Variants in GSE1 observed in about 807,000 individuals in gnomAD.
GSE1 encodes the protein Gse1 coiled-coil protein.
GSE1 carries 32 observed loss-of-function variants against 112.6 expected under a neutral mutation model. The observed-to-expected ratio is 0.28, with a 90% CI of 0.21 to 0.38. GSE1 has a LOEUF of 0.38. Among genes scored for constraint, GSE1 ranks in the 10% least tolerant of loss-of-function variants. The pLI is 1.00. For missense variants in GSE1, 2,348 were observed against 1,699.2 expected, an observed-to-expected ratio of 1.38 and a Z score of -6.71; for synonymous variants, 1,115 against 735.6, an observed-to-expected ratio of 1.52 and a Z score of -8.35.
At chr16:85,360,494 G>T (rs2047043677) in intron 2 of GSE1, among the ~76,000 whole-genome samples, 1 of 152,176 alleles carries the variant, frequency 6.6e-6, no homozygotes, top group African/African-American at 2.4e-5. Flanking sequence ...CCGCAGTCAG[G>T]CCCCGCCTGG....
chr16:85,185,275 C>T (rs1166167252), intron 1 of GSE1: 1 of 152,332 alleles, frequency 6.6e-6, no homozygotes, highest in Non-Finnish European at 1.5e-5. Context: ...CAGGTGTCAG[C>T]TCCAGGGGCA....
chr16:85,258,117 G>C (rs1214574654), intron 1 of GSE1, among the ~76,000 whole-genome samples: 1 of 152,220 alleles, frequency 6.6e-6, no homozygotes, highest in East Asian at 1.9e-4. Context: ...CTCAATTGAG[G>C]GGCAGGGTAG....
intron 2 of GSE1, among the ~76,000 whole-genome samples, chr16:85,522,849 G>C (rs2052233855): frequency 6.6e-6 from 1 of 152,080 alleles, no homozygotes; most frequent in Non-Finnish European, 1.5e-5. Context: ...TGTTGTGTAT[G>C]GGTGTGTGTT....
At chr16:85,233,409 TGGTTC>T (rs959113327) in intron 1 of GSE1, among the ~76,000 whole-genome samples, 5 of 151,826 alleles carry the variant, frequency 3.3e-5, no homozygotes, top group African/African-American at 1.2e-4. Flanking sequence ...CTGGGCGGGG[TGGTTC>T]GGCCTTTGGG....
intron 2 of GSE1, among the ~76,000 whole-genome samples, chr16:85,534,847 G>T (rs2044270428): frequency 6.6e-6 from 1 of 152,228 alleles, no homozygotes; most frequent in African/African-American, 2.4e-5. Flanking sequence ...TCCTTCTGCT[G>T]CGTGGTGTTC....
At position 85,639,896 on chromosome 16, in the gene GSE1, G is replaced by A. The variant is rs139262260; in HGVS notation, c.226+5764G>A. Among the ~76,000 whole-genome samples the A allele has an allele frequency of 7.1e-3, 1,074 of 151,702 alleles. 12 individuals are homozygous for A. The highest frequency in any genetic ancestry group is 0.025 in the African/African-American group (1,024 of 41,356). The stretch of plus-strand genomic sequence containing the variant: ...CCAAGGCGGCCGGGGGCGGAGGTAC[G>A]GGGAGCCTTGCGTGTCCTCAGCTGC... On this transcript the variant is annotated intron_variant, in intron 2 of 15. Transcript: ENST00000253458.
upstream of GSE1, among the ~76,000 whole-genome samples, chr16:85,552,591 C>T (rs780274091): frequency 6.6e-6 from 1 of 152,070 alleles, no homozygotes; most frequent in Non-Finnish European, 1.5e-5. Flanking sequence ...CTCGGCCTCC[C>T]AAAGTGCTGG....
intron 1 of GSE1, among the ~76,000 whole-genome samples, chr16:85,590,281 CAT>C (rs977727981): frequency 2.2e-5 from 3 of 134,790 alleles, no homozygotes; most frequent in African/African-American, 8.5e-5. Flanking sequence ...CTTGTGTGAA[CAT>C]GTGTGACTGT....
At chr16:85,606,225 A>G (rs1218006875) in intron 1 of GSE1, among the ~76,000 whole-genome samples, 1 of 152,200 alleles carries the variant, frequency 6.6e-6, no homozygotes, top group Non-Finnish European at 1.5e-5. Context: ...CCGGCTTTAC[A>G]TCACCCATGT....
chr16:85,672,366 G>GA, intron 15 of GSE1, 39 bp from the exon 16 acceptor site: 1 of 1,544,892 alleles, frequency 6.5e-7, no homozygotes, highest in Non-Finnish European at 8.9e-7. Context: ...CCTTACAGAG[G>GA]AAACGGGTTG....
intron 2 of GSE1, among the ~76,000 whole-genome samples, chr16:85,418,491 C>G (rs536782609): frequency 1.3e-5 from 2 of 152,322 alleles, no homozygotes; most frequent in East Asian, 3.9e-4. Flanking sequence ...CCCGCCTCCT[C>G]CAGGAAGCCC....
intron 2 of GSE1, among the ~76,000 whole-genome samples, chr16:85,497,938 C>A (rs920827776): frequency 6.6e-6 from 1 of 152,100 alleles, no homozygotes; most frequent in East Asian, 1.9e-4. Context: ...GAGCTGACAT[C>A]GCTTTTACCA....
At chr16:85,349,603 C>T (rs1355094349) in intron 1 of GSE1, among the ~76,000 whole-genome samples, 1 of 152,078 alleles carries the variant, frequency 6.6e-6, no homozygotes, top group Admixed American at 6.5e-5. Context: ...CCTCCCTAGC[C>T]AATGCACACA....
intron 1 of GSE1, among the ~76,000 whole-genome samples, chr16:85,313,133 C>A (rs769151113): frequency 6.6e-6 from 1 of 152,184 alleles, no homozygotes; most frequent in Non-Finnish European, 1.5e-5. Flanking sequence ...CCCAGGGAAC[C>A]GTCTCAGAAA....
At chr16:85,321,878 C>T (rs555899216) in intron 1 of GSE1, among the ~76,000 whole-genome samples, 23 of 152,198 alleles carry the variant, frequency 1.5e-4, no homozygotes, top group African/African-American at 5.1e-4. Flanking sequence ...GTAACAGCCT[C>T]GGACACTGAG....
At chr16:85,521,541 C>T (rs1043706613) in intron 2 of GSE1, among the ~76,000 whole-genome samples, 6 of 152,244 alleles carry the variant, frequency 3.9e-5, no homozygotes, top group East Asian at 1.9e-4. Context: ...GCTCTGGGCA[C>T]GTTTGGGTCC....
intron 2 of GSE1, among the ~76,000 whole-genome samples, chr16:85,478,897 TTCTTTCTTTCTTTC>T (rs1567520551): frequency 3.6e-5 from 3 of 83,200 alleles, no homozygotes; most frequent in South Asian, 3.8e-4. Flanking sequence ...CTTTCTTTCT[TTCTTTCTTTCTTTC>T]TTTCTTTCTT....
At position 85,186,605 on chromosome 16, in the gene GSE1, G is replaced by GA. The variant is rs758525570; in HGVS notation, c.2283+14814dup. 4.9e-3 allele frequency among the ~76,000 whole-genome samples: 597 copies of GA among 122,866 alleles called. 3 individuals are homozygous for GA. The highest frequency in any genetic ancestry group is 7.2e-3 in the African/African-American group (237 of 33,114). 80.6% of individuals were successfully genotyped at this position (122,866 alleles called of 152,430 possible). On this transcript the variant is annotated intron_variant, in intron 1 of 2. Coordinates refer to the GSE1 transcript ENST00000637419. ...GCGACAGAGTGAGACTCTGTCTCAA[G>GA]AAAAAAAAAAAAAAAATTTAGCCGT...
At chr16:85,295,894 C>T (rs1301758658) in intron 1 of GSE1, among the ~76,000 whole-genome samples, 2 of 152,000 alleles carry the variant, frequency 1.3e-5, no homozygotes, top group South Asian at 2.1e-4. Context: ...TGTGAGCCAC[C>T]GCACCCAGCC....
Sources: allele counts gnomAD v4.1 joint callset (sites outside exome capture counted in the v4.1 genomes callset), GRCh38; gene constraint gnomAD v4.1.1; transcripts MANE v1.5; gene names NCBI Gene and HGNC (gene_info 2026-07-23, HGNC 2026-07-21).